Variants in TAFA1 observed in about 807,000 individuals in gnomAD.
TAFA1 encodes the protein TAFA chemokine like family member 1.
A neutral mutation model predicts 18.5 loss-of-function variants in TAFA1; 4 were observed. The observed-to-expected ratio is 0.22, with a 90% CI of 0.11 to 0.49. The LOEUF is 0.49. Among genes scored for constraint, TAFA1 ranks in the 20% least tolerant of loss-of-function variants. TAFA1 has a pLI of 0.98. For missense variants in TAFA1, 147 were observed against 169.0 expected (o/e 0.87, Z 0.72); for synonymous variants, 56 against 55.2 (o/e 1.01, Z -0.06).
At chr3:68,330,819 C>T (rs1337198821) in intron 2 of TAFA1, among the ~76,000 whole-genome samples, 3 of 152,138 alleles carry the variant, frequency 2.0e-5, no homozygotes, top group Non-Finnish European at 4.4e-5. Flanking sequence ...TGGTCTTAGT[C>T]TATCTGGCTG....
chr3:68,158,217 A>G (rs960540803), intron 2 of TAFA1, among the ~76,000 whole-genome samples: 2 of 152,036 alleles, frequency 1.3e-5, no homozygotes, highest in African/African-American at 4.8e-5. Context: ...TATTGCTGAA[A>G]TTTCTCAGCC....
At chr3:68,201,799 G>A (rs1169415054) in intron 2 of TAFA1, among the ~76,000 whole-genome samples, 1 of 151,704 alleles carries the variant, frequency 6.6e-6, no homozygotes, top group African/African-American at 2.4e-5. Flanking sequence ...GGAAGTACAA[G>A]AAGCATAGCA....
At chr3:68,433,386 T>C (rs17831305) in intron 3 of TAFA1, among the ~76,000 whole-genome samples, 27,997 of 152,092 alleles carry the variant, frequency 0.18, 2,875 homozygotes, top group Admixed American at 0.25. Context: ...TTCATTCTTA[T>C]TGCCTGAAGT....
chr3:68,303,774 A>T (rs2068354869), intron 2 of TAFA1, among the ~76,000 whole-genome samples: 1 of 152,190 alleles, frequency 6.6e-6, no homozygotes, highest in Admixed American at 6.5e-5. Flanking sequence ...AGGATTAAAA[A>T]TATGTCACAA....
intron 2 of TAFA1, among the ~76,000 whole-genome samples, chr3:68,288,398 A>G (rs1385399366): frequency 2.0e-5 from 3 of 152,176 alleles, no homozygotes; most frequent in Non-Finnish European, 4.4e-5. Flanking sequence ...GCCAAATAAA[A>G]TGCAGAATGA....
intron 3 of TAFA1, among the ~76,000 whole-genome samples, chr3:68,473,390 A>G (rs1393656405): frequency 6.6e-6 from 1 of 152,244 alleles, no homozygotes; most frequent in Non-Finnish European, 1.5e-5. Flanking sequence ...TCCACAACAG[A>G]TAGAAAATGA....
intron 2 of TAFA1, among the ~76,000 whole-genome samples, chr3:68,271,834 TCTCACACACA>T (rs202004761): frequency 0.077 from 11,605 of 150,364 alleles, 482 homozygotes; most frequent in African/African-American, 0.11. Context: ...TCTCTCTCTC[TCTCACACACA>T]CACACACACA....
chr3:68,422,776 C>T (rs1426757951), intron 3 of TAFA1, among the ~76,000 whole-genome samples: 2 of 151,996 alleles, frequency 1.3e-5, no homozygotes, highest in Non-Finnish European at 2.9e-5. Context: ...CTTATAAAAG[C>T]ATTATATCCT....
At chr3:68,265,668 A>G (rs2067527582) in intron 2 of TAFA1, among the ~76,000 whole-genome samples, 1 of 152,200 alleles carries the variant, frequency 6.6e-6, no homozygotes, top group South Asian at 2.1e-4. Flanking sequence ...ATGGCCTTAC[A>G]GCTGGTTGGA....
intron 2 of TAFA1, among the ~76,000 whole-genome samples, chr3:68,378,608 T>G (rs2069866777): frequency 6.6e-6 from 1 of 152,134 alleles, no homozygotes; most frequent in South Asian, 2.1e-4. Context: ...CATGACTGGT[T>G]TTCAAATGTG....
In TAFA1 at chr3:68,030,218, C is replaced by A. The variant is rs536898765; in HGVS notation, c.118+23474C>A. On this transcript the variant is annotated intron_variant, in intron 2 of 4. Coordinates refer to ENST00000478136, the MANE Select transcript of TAFA1 (RefSeq NM_213609.4). ...GTAAAACACATTATAAAAATAAAACCAGTTCATGCTTTAAAAATTTTTCTT... is the reference window on the plus strand; with the variant it reads ...GTAAAACACATTATAAAAATAAAACAAGTTCATGCTTTAAAAATTTTTCTT... 9.7e-4 allele frequency among the ~76,000 whole-genome samples: 147 copies of A among 151,744 alleles called. 1 individual carries two copies. The highest frequency in any genetic ancestry group is 3.3e-3 in the African/African-American group (137 of 41,392).
At chr3:68,511,329 T>G (rs1026759318) in intron 3 of TAFA1, among the ~76,000 whole-genome samples, 1 of 152,134 alleles carries the variant, frequency 6.6e-6, no homozygotes, top group Non-Finnish European at 1.5e-5. Context: ...GCAGACGTAG[T>G]TGCCATAAGT....
intron 2 of TAFA1, among the ~76,000 whole-genome samples, chr3:68,332,710 G>A (rs1374961226): frequency 6.6e-6 from 1 of 152,158 alleles, no homozygotes; most frequent in Non-Finnish European, 1.5e-5. Context: ...CAAAATCACT[G>A]TGATATCACC....
intron 2 of TAFA1, among the ~76,000 whole-genome samples, chr3:68,190,173 G>C (rs2066320637): frequency 6.6e-6 from 1 of 151,746 alleles, no homozygotes; most frequent in South Asian, 2.1e-4. Flanking sequence ...TTTTCCTTCA[G>C]GATTCATTGT....
At chr3:68,000,778 T>G (rs562347211), upstream of TAFA1, among the ~76,000 whole-genome samples, 1 of 152,068 alleles carries the variant, frequency 6.6e-6, no homozygotes, top group African/African-American at 2.4e-5. Context: ...GGTAGTTGAA[T>G]GGAGAGGGAG....
At chr3:68,254,129 GTA>G in intron 2 of TAFA1, among the ~76,000 whole-genome samples, 1 of 120,342 alleles carries the variant, frequency 8.3e-6, no homozygotes, top group Non-Finnish European at 1.7e-5. Flanking sequence ...ATGTATGTAT[GTA>G]TGTATCTATC....
At chr3:68,405,669 C>T (rs1002187482) in intron 2 of TAFA1, among the ~76,000 whole-genome samples, 1 of 121,540 alleles carries the variant, frequency 8.2e-6, no homozygotes, top group African/African-American at 3.0e-5. Flanking sequence ...TACTGCACTC[C>T]AACCTAGGCA....
chr3:68,208,735 T>C (rs2107060869), intron 2 of TAFA1, among the ~76,000 whole-genome samples: 1 of 152,118 alleles, frequency 6.6e-6, no homozygotes, highest in East Asian at 1.9e-4. Flanking sequence ...TCAGGTTGTT[T>C]GCATATGCCT....
chr3:68,239,312 A>C (rs1303239791), intron 2 of TAFA1, among the ~76,000 whole-genome samples: 1 of 152,186 alleles, frequency 6.6e-6, no homozygotes, highest in Non-Finnish European at 1.5e-5. Flanking sequence ...TTTATCAATA[A>C]GTTATTAGAA....
Sources: allele counts gnomAD v4.1 joint callset (sites outside exome capture counted in the v4.1 genomes callset), GRCh38; gene constraint gnomAD v4.1.1; transcripts MANE v1.5; gene names NCBI Gene and HGNC (gene_info 2026-07-23, HGNC 2026-07-21).